Variants in UHRF2 observed in about 807,000 individuals in gnomAD.
The protein encoded by UHRF2 is ubiquitin like with PHD and ring finger domains 2, also known as E3 ubiquitin-protein ligase UHRF2.
A neutral mutation model predicts 96.8 loss-of-function variants in UHRF2; 23 were observed. The ratio of observed to expected loss-of-function variants is 0.24; its 90% CI spans 0.17 to 0.34. The LOEUF is 0.34. UHRF2 is among the 10% of genes least tolerant of loss of function. The pLI is 1.00. For missense variants in UHRF2, 685 were observed against 981.5 expected, an observed-to-expected ratio of 0.70 and a Z score of 4.04; for synonymous variants, 385 against 332.6, an observed-to-expected ratio of 1.16 and a Z score of -1.72.
At chr9:6,441,781 C>G (rs1202213576) in intron 3 of UHRF2, among the ~76,000 whole-genome samples, 2 of 151,268 alleles carry the variant, frequency 1.3e-5, no homozygotes, top group Non-Finnish European at 2.9e-5. Context: ...ATTATTGGAA[C>G]TAATTCTTTT....
chr9:6,489,731 T>TTG (rs1018412679), intron 9 of UHRF2, among the ~76,000 whole-genome samples: 1 of 142,960 alleles, frequency 7.0e-6, no homozygotes, highest in African/African-American at 2.9e-5. Flanking sequence ...GGTTTTTGTT[T>TTG]TTTTTTTTTT....
At chr9:6,464,379 G>A (rs986381908) in intron 4 of UHRF2, among the ~76,000 whole-genome samples, 5 of 152,078 alleles carry the variant, frequency 3.3e-5, no homozygotes, top group Non-Finnish European at 7.4e-5. Flanking sequence ...TAATTCTGTG[G>A]CTTGTCTTTT....
intron 1 of UHRF2, among the ~76,000 whole-genome samples, chr9:6,416,317 C>A (rs1051819596): frequency 1.3e-5 from 2 of 152,116 alleles, no homozygotes; most frequent in African/African-American, 4.8e-5. Flanking sequence ...ATGCGCCCAC[C>A]TCGGCTTCCC....
At chr9:6,462,472 T>TA (rs1822605055) in intron 4 of UHRF2, among the ~76,000 whole-genome samples, 1 of 152,206 alleles carries the variant, frequency 6.6e-6, no homozygotes, top group Admixed American at 6.5e-5. Flanking sequence ...GAAACCCTGA[T>TA]ATGGATGCAA....
intron 3 of UHRF2, among the ~76,000 whole-genome samples, chr9:6,440,123 G>A (rs7033570): frequency 0.084 from 12,710 of 152,100 alleles, 772 homozygotes; most frequent in East Asian, 0.23. Flanking sequence ...TCACAAAACT[G>A]ACAGCAGTCT....
chr9:6,478,559 T>G (rs1823729320), intron 6 of UHRF2, among the ~76,000 whole-genome samples: 1 of 152,226 alleles, frequency 6.6e-6, no homozygotes, highest in African/African-American at 2.4e-5. Context: ...AAAAAGAAGT[T>G]ATTAGAAAAG....
chr9:6,456,028 G>A (rs1394724434), intron 3 of UHRF2, among the ~76,000 whole-genome samples: 6 of 152,164 alleles, frequency 3.9e-5, no homozygotes, highest in Non-Finnish European at 7.4e-5. Flanking sequence ...ACCTTATAAA[G>A]CTTTAGGTTC....
chr9:6,451,138 A>G (rs1402463657), intron 3 of UHRF2, among the ~76,000 whole-genome samples: 2 of 152,220 alleles, frequency 1.3e-5, no homozygotes, highest in Non-Finnish European at 2.9e-5. Context: ...CAGACTAACA[A>G]TACTTTCATA....
At chr9:6,481,544 A>G in intron 6 of UHRF2, 99 bp from the exon 7 acceptor site, 1 of 1,386,722 alleles carries the variant, frequency 7.2e-7, no homozygotes, top group Admixed American at 2.2e-5. Context: ...ACCAAATAAT[A>G]CATCTTAAAA....
At chr9:6,462,585 C>T (rs16924591) in intron 4 of UHRF2, among the ~76,000 whole-genome samples, 16,565 of 152,132 alleles carry the variant, frequency 0.11, 1,234 homozygotes, top group East Asian at 0.27. Context: ...AGTAGGATAA[C>T]AGCACACATA....
intron 10 of UHRF2, 61 bp downstream of exon 10, chr9:6,493,993 T>C: frequency 1.4e-6 from 2 of 1,434,822 alleles, no homozygotes; most frequent in Non-Finnish European, 1.9e-6. Context: ...TATAGGACTG[T>C]AAATTGTAAC....
At chr9:6,481,585 G>T in intron 6 of UHRF2, 58 bp from the exon 7 acceptor site, 3 of 1,577,912 alleles carry the variant, frequency 1.9e-6, no homozygotes, top group Non-Finnish European at 2.6e-6. Context: ...CTAATATTCT[G>T]TTACTAGCTT....
rs1171172143 is a variant in UHRF2 at position 6,428,533 on chromosome 9, C to CTTTTTTTTTTTTTTTTTTTTTTTT, written c.385-5366_385-5343dup. 4.0e-4 allele frequency among the ~76,000 whole-genome samples: 26 copies of CTTTTTTTTTTTTTTTTTTTTTTTT among 65,420 alleles called. 2 individuals are homozygous for CTTTTTTTTTTTTTTTTTTTTTTTT. The highest frequency in any genetic ancestry group is 6.9e-4 in the South Asian group (1 of 1,454). 42.9% of individuals were successfully genotyped at this position (65,420 alleles called of 152,430 possible). Reference sequence around the variant, plus strand: ...TGTAAATGGAACCATATTGCTTTTGCTTTTTTTTTTTTTTTTTTTTTTTTT... The same window carrying CTTTTTTTTTTTTTTTTTTTTTTTT: ...TGTAAATGGAACCATATTGCTTTTGCTTTTTTTTTTTTTTTTTTTTTTTTTTTTTTTTTTTTTTTTTTTTTTTTT... On this transcript the variant is annotated intron_variant, in intron 2 of 15. Transcript: ENST00000276893.
In UHRF2 at chr9:6,446,938, G is replaced by T. The variant is rs375449053; in HGVS notation, c.644+12765G>T. On this transcript the variant is annotated intron_variant, in intron 3 of 15. Coordinates refer to ENST00000276893, the MANE Select transcript of UHRF2 (RefSeq NM_152896.3). ...GAGTCTTGCTCTGTCACCCAGGCTG[G>T]AGTGCAGTAGCACAATCTCGGCTCA... Among the ~76,000 whole-genome samples the T allele has an allele frequency of 2.2e-3, 329 of 152,074 alleles. 2 individuals are homozygous for T. Among genetic ancestry groups the T allele is most frequent in the South Asian group, 4.8e-3 (23 of 4,804 alleles).
At chr9:6,447,166 G>A (rs1821568203) in intron 3 of UHRF2, among the ~76,000 whole-genome samples, 1 of 152,142 alleles carries the variant, frequency 6.6e-6, no homozygotes, top group Non-Finnish European at 1.5e-5. Flanking sequence ...TGGGATTACA[G>A]GCATGAGCCA....
At chr9:6,422,945 A>T in intron 2 of UHRF2, 1 of 317,598 alleles carries the variant, frequency 3.1e-6, no homozygotes, top group Non-Finnish European at 5.7e-6. Flanking sequence ...TGTAACCAGC[A>T]ACCTTTTCAA....
chr9:6,488,191 C>T (rs574513921), intron 9 of UHRF2, among the ~76,000 whole-genome samples: 11 of 133,984 alleles, frequency 8.2e-5, no homozygotes, highest in Middle Eastern at 4.1e-3. Flanking sequence ...TGTAGTGAGC[C>T]ATGATCATGC....
chr9:6,459,221 G>A (rs7467926), intron 3 of UHRF2, among the ~76,000 whole-genome samples: 38,371 of 151,578 alleles, frequency 0.25, 5,039 homozygotes, highest in Admixed American at 0.31. Context: ...TTTAAAAAAA[G>A]AAAGAAAGAA....
At chr9:6,501,181 CAT>C (rs912171919) in intron 14 of UHRF2, among the ~76,000 whole-genome samples, 1 of 152,134 alleles carries the variant, frequency 6.6e-6, no homozygotes, top group Admixed American at 6.5e-5. Flanking sequence ...AAATTAATCA[CAT>C]AATTTTAAAG....
Sources: gnomAD v4.1 joint callset for allele counts (sites outside exome capture counted in the v4.1 genomes callset) on GRCh38, gnomAD v4.1.1 for gene constraint, MANE v1.5 for transcripts, NCBI Gene and HGNC (gene_info 2026-07-23, HGNC 2026-07-21) for gene names.